Variants in LGR6 observed in about 807,000 individuals in gnomAD.
The protein encoded by LGR6 is leucine-rich repeat-containing G protein-coupled receptor 6.
LGR6 carries 45 observed loss-of-function variants against 69.4 expected under a neutral mutation model. The observed-to-expected ratio is 0.65, with a 90% CI of 0.51 to 0.83. The LOEUF is 0.83. Ranked by LOEUF, LGR6 falls within the 40% of genes least tolerant of loss-of-function variation. The probability of loss-of-function intolerance (pLI) is 0.00; values close to 1 mark genes in which losing one functional copy is unlikely to be tolerated. For missense variants in LGR6, 1,108 were observed against 1,246.7 expected (o/e 0.89, Z 1.68); for synonymous variants, 538 against 555.0 (o/e 0.97, Z 0.43).
rs537915027 is a variant in LGR6, at chr1:202,249,061, C to T, written c.428+13068C>T. On this transcript the variant is annotated intron_variant, in intron 4 of 17. Coordinates refer to ENST00000367278, the MANE Select transcript of LGR6 (RefSeq NM_001017403.2). ...TACCTTCCTCAGGCTGATCTCCATT[C>T]AGCAGCAGGGCCACCAGTACCACTC... Among the ~76,000 whole-genome samples the T allele has an allele frequency of 6.4e-4, 97 of 152,290 alleles. No individual in the cohort carries two copies. The South Asian group carries it at 0.012, about 19-fold the overall frequency.
chr1:202,285,395 C>T (rs1320654571), intron 6 of LGR6, among the ~76,000 whole-genome samples: 2 of 152,226 alleles, frequency 1.3e-5, no homozygotes, highest in Non-Finnish European at 2.9e-5. Flanking sequence ...AATGAGGATT[C>T]ATCTTGACTT....
At chr1:202,300,389 C>T (rs2148257858) in intron 7 of LGR6, among the ~76,000 whole-genome samples, 1 of 152,308 alleles carries the variant, frequency 6.6e-6, no homozygotes, top group East Asian at 1.9e-4. Context: ...TGCAGTGGCT[C>T]ACACCTGTAA....
rs180807382 is a variant in LGR6, at chr1:202,205,379, C to T, written c.212+11178C>T. Among the ~76,000 whole-genome samples, 17 of 1,714 alleles carry T rather than the reference C, an allele frequency of 9.9e-3. 1 individual carries two copies. Among genetic ancestry groups the T allele is most frequent in the Non-Finnish European group, 0.022 (13 of 598 alleles). The allele number at this position is 1,714 out of a possible 152,430, so 1.1% of individuals were successfully genotyped here. ...ACACACACACCTCCAAACACACACACCTCACACACCTCCTTCAAACACACA... is the reference window on the plus strand; with the variant it reads ...ACACACACACCTCCAAACACACACATCTCACACACCTCCTTCAAACACACA... On this transcript the variant is annotated intron_variant, in intron 1 of 17. Transcript: ENST00000367278.
rs60376943 is a variant in LGR6, at chr1:202,238,412, CTTTTTTTTTTTT to C, written c.428+2434_428+2445del. Among the ~76,000 whole-genome samples, 9 of 83,982 alleles carry C rather than the reference CTTTTTTTTTTTT, an allele frequency of 1.1e-4. 1 individual carries two copies. The highest frequency in any genetic ancestry group is 4.8e-4 in the East Asian group (1 of 2,076). 55.1% of individuals were successfully genotyped at this position (83,982 alleles called of 152,430 possible). On this transcript the variant is annotated intron_variant, in intron 4 of 17. Coordinates refer to ENST00000367278, the MANE Select transcript of LGR6 (RefSeq NM_001017403.2). The stretch of plus-strand genomic sequence containing the variant: ...GTAAGCCACTGTGCCCAGCCTGATC[CTTTTTTTTTTTT>C]TTTTTTTTTTTTTTAAGACAGAGTT...
At chr1:202,298,087 G>A (rs926924378) in intron 7 of LGR6, among the ~76,000 whole-genome samples, 2 of 152,220 alleles carry the variant, frequency 1.3e-5, no homozygotes, top group Non-Finnish European at 2.9e-5. Context: ...CAAACAAAGG[G>A]TCAGATTGAC....
intron 3 of LGR6, among the ~76,000 whole-genome samples, chr1:202,235,705 C>T (rs1571862308): frequency 6.6e-6 from 1 of 152,134 alleles, no homozygotes; most frequent in African/African-American, 2.4e-5. Flanking sequence ...GAACACTGGG[C>T]CTCCCTGCCC....
At chr1:202,238,927 C>A (rs1253968663) in intron 4 of LGR6, among the ~76,000 whole-genome samples, 2 of 152,166 alleles carry the variant, frequency 1.3e-5, no homozygotes, top group Non-Finnish European at 2.9e-5. Context: ...ACAGCTAACA[C>A]GAAGCGGTGC....
intron 4 of LGR6, among the ~76,000 whole-genome samples, chr1:202,236,620 G>A (rs1000955022): frequency 1.3e-5 from 2 of 152,154 alleles, no homozygotes; most frequent in African/African-American, 2.4e-5. Context: ...AGTGGGAGCC[G>A]CTGGGCTTCA....
At chr1:202,275,492 C>T (rs922603654) in intron 4 of LGR6, among the ~76,000 whole-genome samples, 1 of 152,128 alleles carries the variant, frequency 6.6e-6, no homozygotes, top group Admixed American at 6.5e-5. Flanking sequence ...TCATATCACC[C>T]TAGAATCTCT....
chr1:202,226,518 G>C (rs1301532130), intron 2 of LGR6, among the ~76,000 whole-genome samples: 1 of 152,128 alleles, frequency 6.6e-6, no homozygotes, highest in Non-Finnish European at 1.5e-5. Flanking sequence ...CCTAGACAGT[G>C]CTCCCCAGGG....
At position 202,307,497 on chromosome 1, in the gene LGR6, A is replaced by G. The variant is rs1653340258; in HGVS notation, c.1280+96A>G. The G allele has an allele frequency of 5.0e-6, 5 of 998,116 alleles. No homozygotes were observed. In the Admixed American group the frequency reaches 7.0e-5, roughly 14 times the overall value. 61.8% of individuals were successfully genotyped at this position (998,116 alleles called of 1,614,324 possible). On this transcript the variant is annotated intron_variant, in intron 14 of 17. Coordinates refer to ENST00000367278, the MANE Select transcript of LGR6 (RefSeq NM_001017403.2). Reference sequence around the variant, plus strand: ...AGAAGGGCCACCCCAGAGCAGGAACATGCATATCCCAGGGAGATGGGCCTC... The same window carrying G: ...AGAAGGGCCACCCCAGAGCAGGAACGTGCATATCCCAGGGAGATGGGCCTC...
chr1:202,193,868 A>G lies in LGR6; in HGVS notation c.-122A>G. The stretch of plus-strand genomic sequence containing the variant: ...CCCACCGCCGCCGCCGCCGCCCAAT[A>G]GAGCCCCTGGGGCGGTCCCCACCGA... On this transcript the variant is annotated 5_prime_UTR_variant, in exon 1 of 18. It adds an upstream start codon to the 5' untranslated region. Coordinates refer to ENST00000367278, the MANE Select transcript of LGR6 (RefSeq NM_001017403.2). 2.2e-6 allele frequency: 1 copy of G among 457,552 alleles called. No homozygotes were observed. Among genetic ancestry groups the G allele is most frequent in the East Asian group, 5.1e-5 (1 of 19,430 alleles). 28.3% of individuals were successfully genotyped at this position (457,552 alleles called of 1,614,324 possible). A position where few individuals can be genotyped will look rare whatever the true frequency, so the allele number is the denominator to read the frequency against.
At chr1:202,254,910 A>G (rs75853884) in intron 4 of LGR6, among the ~76,000 whole-genome samples, 3 of 124,882 alleles carry the variant, frequency 2.4e-5, no homozygotes, top group African/African-American at 8.2e-5. Flanking sequence ...AAAAAAAAAA[A>G]AAAAAGGAAA....
intron 13 of LGR6, 59 bp downstream of exon 13, chr1:202,306,998 A>G: frequency 1.4e-6 from 2 of 1,407,430 alleles, no homozygotes; most frequent in Admixed American, 1.7e-5. Flanking sequence ...TCTGCTAGGC[A>G]TGCTCATTGT....
chr1:202,263,596 G>C (rs751675253), intron 4 of LGR6, among the ~76,000 whole-genome samples: 25 of 152,284 alleles, frequency 1.6e-4, no homozygotes, highest in African/African-American at 5.8e-4. Flanking sequence ...CAGCACGGGG[G>C]TGTGGGTGTG....
At chr1:202,292,883 A>G (rs1177723259) in intron 6 of LGR6, among the ~76,000 whole-genome samples, 2 of 152,200 alleles carry the variant, frequency 1.3e-5, no homozygotes, top group East Asian at 1.9e-4. Flanking sequence ...CCTAGTGGCT[A>G]TTGTATTGGT....
At chr1:202,286,926 C>T (rs1666434975) in intron 6 of LGR6, among the ~76,000 whole-genome samples, 1 of 152,128 alleles carries the variant, frequency 6.6e-6, no homozygotes. Context: ...GTCATTGCTG[C>T]CTCTCCCTCC....
At chr1:202,213,543 T>C (rs1376270894) in intron 1 of LGR6, among the ~76,000 whole-genome samples, 1 of 152,106 alleles carries the variant, frequency 6.6e-6, no homozygotes, top group Non-Finnish European at 1.5e-5. Flanking sequence ...AGGGCAGGGC[T>C]GACCCAGAAC....
At chr1:202,317,331 G>GT (rs1179720689) in intron 17 of LGR6, among the ~76,000 whole-genome samples, 1 of 97,036 alleles carries the variant, frequency 1.0e-5, no homozygotes, top group Non-Finnish European at 2.5e-5. Context: ...CCATGTGTGT[G>GT]TTTTTTTGTT....
Sources: gnomAD v4.1 joint callset for allele counts (sites outside exome capture counted in the v4.1 genomes callset) on GRCh38, gnomAD v4.1.1 for gene constraint, MANE v1.5 for transcripts, NCBI Gene and HGNC (gene_info 2026-07-23, HGNC 2026-07-21) for gene names.